SLC36A1: variants seen among roughly 807,000 people sequenced by gnomAD.
SLC36A1 encodes the protein proton-coupled amino acid transporter 1.
Under a neutral mutation model 47.5 loss-of-function variants are expected in SLC36A1, and 30 were observed. The ratio of observed to expected loss-of-function variants is 0.63; its 90% CI spans 0.47 to 0.86. SLC36A1 has a LOEUF of 0.86. Among genes scored for constraint, SLC36A1 ranks in the 40% least tolerant of loss-of-function variants. SLC36A1 has a pLI of 0.00. For synonymous variants in SLC36A1, 255 were observed against 249.7 expected (o/e 1.02, Z -0.20); for missense variants, 517 against 606.0 (o/e 0.85, Z 1.54).
the SLC36A1 span, among the ~76,000 whole-genome samples, chr5:151,425,957 T>C: frequency 6.8e-6 from 1 of 146,536 alleles, no homozygotes; most frequent in Non-Finnish European, 1.5e-5. Flanking sequence ...AGTCCCTCTC[T>C]CTCTCCCTCT....
the SLC36A1 span, chr5:151,529,382 A>C: frequency 1.2e-6 from 2 of 1,613,768 alleles, no homozygotes; most frequent in Non-Finnish European, 1.7e-6. Flanking sequence ...TTGCGTTGAC[A>C]TACAGGATCC....
the SLC36A1 span, among the ~76,000 whole-genome samples, chr5:151,523,219 C>T: frequency 6.6e-6 from 1 of 152,148 alleles, no homozygotes; most frequent in South Asian, 2.1e-4. Flanking sequence ...TAATAATTAA[C>T]ACTACTGTTA....
At chr5:151,463,897 A>T (rs879852394) in intron 3 of SLC36A1, among the ~76,000 whole-genome samples, 1 of 152,190 alleles carries the variant, frequency 6.6e-6, no homozygotes, top group Admixed American at 6.5e-5. Flanking sequence ...AGCTTACTTC[A>T]TGGTGGAGAG....
chr5:151,465,044 T>C (rs1554112236), intron 4 of SLC36A1, 30 bp from the exon 5 acceptor site: 1 of 1,549,984 alleles, frequency 6.5e-7, no homozygotes, highest in South Asian at 1.1e-5. Flanking sequence ...CCACGTGCTC[T>C]GTCCTTCCTC....
chr5:151,421,548 G>A, the SLC36A1 span, among the ~76,000 whole-genome samples: 2 of 147,062 alleles, frequency 1.4e-5, no homozygotes. Context: ...GGCAAATCTT[G>A]TAGAGTTTTT....
the SLC36A1 span, among the ~76,000 whole-genome samples, chr5:151,349,639 G>T: frequency 9.9e-5 from 15 of 152,102 alleles, no homozygotes; most frequent in African/African-American, 3.6e-4. Flanking sequence ...TTCTTGGGTG[G>T]GGCAGGCAAC....
the SLC36A1 span, among the ~76,000 whole-genome samples, chr5:151,514,320 C>T: frequency 2.0e-5 from 3 of 152,146 alleles, no homozygotes; most frequent in East Asian, 1.9e-4. Context: ...TTGATCCCAC[C>T]GTCTTTTCAT....
the SLC36A1 span, chr5:151,509,637 C>T: frequency 9.4e-5 from 19 of 202,692 alleles, no homozygotes; most frequent in East Asian, 2.0e-3. Flanking sequence ...TCTCCCATCA[C>T]CTCCAGATGG....
the SLC36A1 span, among the ~76,000 whole-genome samples, chr5:151,499,879 C>T: frequency 0.048 from 7,241 of 152,264 alleles, 173 homozygotes; most frequent in Non-Finnish European, 0.053. Flanking sequence ...GCTCCTGAAA[C>T]CACTCCTCAC....
rs1172590072 is a variant in SLC36A1 at position 151,458,805 on chromosome 5, A to C, written c.13A>C (p.Arg5=). MSTQ[R]LRNEDYHDYS... ...CCCCCCAGCTGCCATGTCCACGCAG[A>C]GACTTCGGAATGAAGACTACCACGA... is the stretch of plus-strand genomic sequence containing the variant. Residue 5 remains arginine (R), a synonymous_variant, in exon 2 of 11, where the codon AGA becomes CGA. Transcript: ENST00000243389. The C allele has an allele frequency of 6.2e-7, 1 of 1,613,996 alleles. No individual in the cohort carries two copies. The highest frequency in any genetic ancestry group is 1.7e-5 in the Admixed American group (1 of 60,016).
chr5:151,437,918 C>T (rs1384696402), intron 1 of SLC36A1, among the ~76,000 whole-genome samples: 1 of 152,068 alleles, frequency 6.6e-6, no homozygotes, highest in Non-Finnish European at 1.5e-5. Context: ...CTAGAGGCCT[C>T]CTGCGTTTCC....
chr5:151,367,628 A>G, the SLC36A1 span, among the ~76,000 whole-genome samples: 11 of 152,166 alleles, frequency 7.2e-5, no homozygotes, highest in Non-Finnish European at 1.3e-4. Flanking sequence ...AGTTAACACA[A>G]TTATCACAGT....
At chr5:151,427,684 T>C in the SLC36A1 span, among the ~76,000 whole-genome samples, 1 of 152,120 alleles carries the variant, frequency 6.6e-6, no homozygotes, top group Non-Finnish European at 1.5e-5. Context: ...GTGCTGTCAC[T>C]GGGGCGAGGG....
chr5:151,468,318 A>G (rs181691329), intron 7 of SLC36A1, among the ~76,000 whole-genome samples: 1,812 of 107,794 alleles, frequency 0.017, 46 homozygotes, highest in Non-Finnish European at 0.026. Flanking sequence ...ATTTACATAT[A>G]TGTGTATATG....
intron 1 of SLC36A1, among the ~76,000 whole-genome samples, chr5:151,456,981 C>G (rs565575953): frequency 2.6e-5 from 4 of 152,216 alleles, no homozygotes; most frequent in Admixed American, 6.5e-5. Context: ...GATAGAGTGC[C>G]CAGGCTTAAG....
intron 3 of SLC36A1, 46 bp from the exon 4 acceptor site, chr5:151,464,468 C>G: frequency 6.5e-7 from 1 of 1,536,282 alleles, no homozygotes; most frequent in Non-Finnish European, 9.0e-7. Flanking sequence ...ACTCCTAATT[C>G]TACCTACTTT....
chr5:151,424,650 G>A, the SLC36A1 span, among the ~76,000 whole-genome samples: 3 of 152,052 alleles, frequency 2.0e-5, no homozygotes, highest in South Asian at 6.2e-4. Context: ...TGATCCTCTG[G>A]CCTAGGGAAT....
the SLC36A1 span, chr5:151,507,300 A>G: frequency 6.2e-7 from 1 of 1,614,174 alleles, no homozygotes; most frequent in Non-Finnish European, 8.5e-7. Context: ...TTCATTTGGA[A>G]CAGAGGCCTT....
upstream of SLC36A1, among the ~76,000 whole-genome samples, chr5:151,442,865 A>T (rs972755687): frequency 1.3e-5 from 2 of 152,152 alleles, no homozygotes; most frequent in Non-Finnish European, 2.9e-5. Flanking sequence ...ACTTGAAAAA[A>T]AAGATTCCAC....
Sources: allele counts gnomAD v4.1 joint callset (sites outside exome capture counted in the v4.1 genomes callset), GRCh38; gene constraint gnomAD v4.1.1; transcripts MANE v1.5; gene names NCBI Gene and HGNC (gene_info 2026-07-23, HGNC 2026-07-21).